Variants in SCN2A observed in about 807,000 individuals in gnomAD.
SCN2A encodes the protein sodium channel protein type 2 subunit alpha.
SCN2A carries 20 observed loss-of-function variants against 188.7 expected under a neutral mutation model. That is an observed-to-expected ratio of 0.11 (90% CI 0.07 to 0.15). The LOEUF (loss-of-function observed/expected upper bound fraction) is 0.15. Among genes scored for constraint, SCN2A ranks in the 10% least tolerant of loss-of-function variants. SCN2A has a pLI of 1.00. For missense variants in SCN2A, 1,278 were observed against 2,445.0 expected, an observed-to-expected ratio of 0.52 and a Z score of 10.07; for synonymous variants, 804 against 833.1, an observed-to-expected ratio of 0.97 and a Z score of 0.60.
intron 15 of SCN2A, 120 bp downstream of exon 15, chr2:165,342,589 A>G: frequency 9.2e-7 from 1 of 1,088,116 alleles, no homozygotes; most frequent in Non-Finnish European, 1.4e-6. Flanking sequence ...CTTCTAAAAC[A>G]AATTGGATTG....
At chr2:165,361,048 T>C (rs1262291864) in intron 17 of SCN2A, among the ~76,000 whole-genome samples, 1 of 151,982 alleles carries the variant, frequency 6.6e-6, no homozygotes, top group East Asian at 1.9e-4. Flanking sequence ...ATTTGATTAA[T>C]TTTATTTTAT....
chr2:165,298,074 A>G (rs1429982154), intron 3 of SCN2A, among the ~76,000 whole-genome samples: 3 of 152,222 alleles, frequency 2.0e-5, no homozygotes, highest in East Asian at 1.9e-4. Context: ...CACAGAAGTC[A>G]TGGGAGGAGG....
chr2:165,251,860 C>A (rs1307165637), intron 1 of SCN2A, among the ~76,000 whole-genome samples: 1 of 151,944 alleles, frequency 6.6e-6, no homozygotes, highest in Non-Finnish European at 1.5e-5. Flanking sequence ...ATAATACAGG[C>A]ACTGTTGGAA....
At chr2:165,330,508 A>T (rs1276469147) in intron 13 of SCN2A, among the ~76,000 whole-genome samples, 1 of 152,118 alleles carries the variant, frequency 6.6e-6, no homozygotes, top group African/African-American at 2.4e-5. Flanking sequence ...TCTTGACATC[A>T]TTGTACATTT....
chr2:165,266,906 A>G (rs534435822), intron 1 of SCN2A: 4 of 152,142 alleles, frequency 2.6e-5, no homozygotes, highest in Non-Finnish European at 5.9e-5. Context: ...CAAGACAACA[A>G]TATCATTTTA....
chr2:165,358,340 A>G (rs1182359535), intron 17 of SCN2A, among the ~76,000 whole-genome samples: 1 of 152,144 alleles, frequency 6.6e-6, no homozygotes, highest in Non-Finnish European at 1.5e-5. Flanking sequence ...TCCCTTATTC[A>G]TATGCAAACT....
intron 10 of SCN2A, 82 bp downstream of exon 10, chr2:165,314,190 T>A: frequency 7.1e-7 from 1 of 1,411,282 alleles, no homozygotes; most frequent in South Asian, 1.2e-5. Flanking sequence ...GGCAAGGTAG[T>A]TGACATTAGA....
At chr2:165,352,771 A>G (rs1283797633) in intron 16 of SCN2A, among the ~76,000 whole-genome samples, 1 of 152,230 alleles carries the variant, frequency 6.6e-6, no homozygotes, top group Non-Finnish European at 1.5e-5. Context: ...TTTTATGTTT[A>G]CACATGTGTC....
chr2:165,380,805 A>G, intron 24 of SCN2A, 76 bp downstream of exon 24: 1 of 1,150,662 alleles, frequency 8.7e-7, no homozygotes, highest in Non-Finnish European at 1.3e-6. Flanking sequence ...AGCCTCCAAA[A>G]TGCAATCACC....
At chr2:165,315,976 A>G (rs2105260768) in intron 11 of SCN2A, among the ~76,000 whole-genome samples, 1 of 152,234 alleles carries the variant, frequency 6.6e-6, no homozygotes, top group Non-Finnish European at 1.5e-5. Context: ...GGGTTTGGAA[A>G]AATTTGCGGT....
rs1064797262 is a variant in SCN2A at position 165,310,390 on chromosome 2, T to C, written c.765T>C (p.Thr255=). The C allele has an allele frequency of 6.2e-7, 1 of 1,613,696 alleles. No individual in the cohort carries two copies. The highest frequency in any genetic ancestry group is 8.5e-7 in the Non-Finnish European group (1 of 1,179,650). Residue 255 remains threonine, a synonymous_variant, in exon 7 of 27, where the codon ACT becomes ACC. Transcript: ENST00000375437. ...AGCTTTCTGATGTCATGATCTTGACTGTGTTCTGTCTAAGCGTGTTTGCGC... is the reference window on the plus strand; with the variant it reads ...AGCTTTCTGATGTCATGATCTTGACCGTGTTCTGTCTAAGCGTGTTTGCGC... ...VKKLSDVMIL[T]VFCLSVFALI...
At chr2:165,297,973 A>C (rs2106152599) in intron 3 of SCN2A, among the ~76,000 whole-genome samples, 1 of 152,316 alleles carries the variant, frequency 6.6e-6, no homozygotes, top group Non-Finnish European at 1.5e-5. Flanking sequence ...GGCCAGAAAC[A>C]AGTCTTGTTG....
intron 1 of SCN2A, among the ~76,000 whole-genome samples, chr2:165,279,945 C>T (rs1487041434): frequency 2.6e-5 from 4 of 152,088 alleles, no homozygotes; most frequent in East Asian, 1.9e-4. Flanking sequence ...GGGGAGTTTC[C>T]GTGCACGAGC....
intron 22 of SCN2A, 34 bp downstream of exon 22, chr2:165,375,000 T>C: frequency 1.9e-6 from 3 of 1,585,802 alleles, no homozygotes; most frequent in Non-Finnish European, 2.6e-6. Context: ...CCATGATGTG[T>C]AATTAAAATG....
intron 1 of SCN2A, among the ~76,000 whole-genome samples, chr2:165,287,860 G>A (rs72872481): frequency 0.057 from 8,656 of 152,228 alleles, 270 homozygotes; most frequent in East Asian, 0.098. Context: ...AAGCTGGGAT[G>A]TTTTTGGTAT....
chr2:165,293,069 G>C (rs1696305810), intron 1 of SCN2A, among the ~76,000 whole-genome samples: 1 of 152,186 alleles, frequency 6.6e-6, no homozygotes, highest in Admixed American at 6.5e-5. Context: ...TCTGGAGAGA[G>C]TTAACTTGTG....
intron 1 of SCN2A, among the ~76,000 whole-genome samples, chr2:165,291,399 C>CTGT (rs1696119714): frequency 7.7e-6 from 1 of 129,914 alleles, no homozygotes; most frequent in Non-Finnish European, 1.7e-5. Context: ...TTCCTTCCTT[C>CTGT]CTTCCTTCCT....
Position 165,315,598 on chromosome 2 carries a change from G to T in SCN2A, c.1511G>T (p.Arg504Ile). Residue 504 changes from arginine to isoleucine, a missense_variant, in exon 11 of 27, where the codon AGA (arginine) becomes ATA (isoleucine). This residue lies in a region of SCN2A where 315 missense variants were observed against 386.6 expected (regional missense o/e 0.81). Coordinates refer to ENST00000375437, the MANE Select transcript of SCN2A (RefSeq NM_001040142.2). The part of the protein sequence containing the change: ...SSKSEKELKN[R>I]RKKKKQKEQS... ...AAAAGTGAAAAAGAGCTGAAAAACA[G>T]AAGAAAGAAAAAGAAACAGAAAGAA... 6.2e-7 allele frequency: 1 copy of T among 1,613,894 alleles called. No homozygotes were observed. The highest frequency in any genetic ancestry group is 8.5e-7 in the Non-Finnish European group (1 of 1,179,902).
intron 14 of SCN2A, among the ~76,000 whole-genome samples, chr2:165,338,472 G>A (rs924279586): frequency 6.6e-6 from 1 of 151,972 alleles, no homozygotes; most frequent in Non-Finnish European, 1.5e-5. Flanking sequence ...GTGTTAGCCA[G>A]GATGGTCTTG....
Sources: allele counts gnomAD v4.1 joint callset (sites outside exome capture counted in the v4.1 genomes callset), GRCh38; gene constraint gnomAD v4.1.1; regional missense constraint gnomAD v4.1.1; transcripts MANE v1.5; gene names NCBI Gene and HGNC (gene_info 2026-07-23, HGNC 2026-07-21).